Variants in SNTG2 observed in about 807,000 individuals in gnomAD.
The protein encoded by SNTG2 is syntrophin gamma 2.
Under a neutral mutation model 70.9 loss-of-function variants are expected in SNTG2, and 74 were observed. That is an observed-to-expected ratio of 1.04 (90% CI 0.86 to 1.27). The LOEUF (loss-of-function observed/expected upper bound fraction) is 1.27, where lower values mean the gene tolerates loss of function less well. Ranked by LOEUF, SNTG2 falls within the 50% of genes most tolerant of loss-of-function variation. The pLI is 0.00. For synonymous variants in SNTG2, 278 were observed against 273.8 expected, an observed-to-expected ratio of 1.02 and a Z score of -0.15; for missense variants, 717 against 690.7, an observed-to-expected ratio of 1.04 and a Z score of -0.43.
At chr2:1,127,064 T>C (rs1311448906) in intron 4 of SNTG2, among the ~76,000 whole-genome samples, 1 of 152,154 alleles carries the variant, frequency 6.6e-6, no homozygotes, top group Non-Finnish European at 1.5e-5. Flanking sequence ...TGCCTCTATT[T>C]TTATCATCTA....
chr2:1,174,317 T>G (rs1485121005), intron 8 of SNTG2, among the ~76,000 whole-genome samples: 1 of 151,720 alleles, frequency 6.6e-6, no homozygotes, highest in African/African-American at 2.4e-5. Flanking sequence ...TATGTAAAAT[T>G]TCATTTTATT....
At chr2:1,182,564 A>G (rs28676514) in intron 8 of SNTG2, among the ~76,000 whole-genome samples, 47,885 of 152,016 alleles carry the variant, frequency 0.32, 8,131 homozygotes, top group East Asian at 0.65. Context: ...TGAGTCTGCA[A>G]TCCGAGAGGA....
chr2:1,178,391 G>A (rs1180117262), intron 8 of SNTG2, among the ~76,000 whole-genome samples: 1 of 152,114 alleles, frequency 6.6e-6, no homozygotes, highest in East Asian at 1.9e-4. Context: ...AGTTTTCAAA[G>A]GGAATGCTTC....
chr2:1,138,201 G>A (rs1332599342), intron 6 of SNTG2, among the ~76,000 whole-genome samples: 1 of 152,224 alleles, frequency 6.6e-6, no homozygotes. Flanking sequence ...GGAGCCTGCA[G>A]GGCCTTCACG....
chr2:1,201,952 A>G (rs757033755), intron 8 of SNTG2, among the ~76,000 whole-genome samples: 8 of 152,014 alleles, frequency 5.3e-5, no homozygotes, highest in Non-Finnish European at 8.8e-5. Flanking sequence ...AAAACCAAGG[A>G]AGAAGAGAAG....
intron 6 of SNTG2, among the ~76,000 whole-genome samples, chr2:1,154,964 A>ACAC (rs60005756): frequency 1.3e-5 from 2 of 149,158 alleles, no homozygotes; most frequent in Non-Finnish European, 3.0e-5. Context: ...CACCACACAC[A>ACAC]AAGACATATA....
intron 1 of SNTG2, among the ~76,000 whole-genome samples, chr2:1,050,530 C>T (rs1426650623): frequency 3.3e-5 from 5 of 151,866 alleles, no homozygotes; most frequent in African/African-American, 1.2e-4. Flanking sequence ...GGCTATTTTC[C>T]TTGAGCAAAT....
At chr2:1,024,993 A>G (rs1458352201) in intron 1 of SNTG2, among the ~76,000 whole-genome samples, 3 of 152,360 alleles carry the variant, frequency 2.0e-5, no homozygotes, top group Admixed American at 1.3e-4. Context: ...GATCTGCTAC[A>G]TACACTCTAC....
At chr2:1,311,056 G>T (rs56274588) in intron 15 of SNTG2, among the ~76,000 whole-genome samples, 1 of 152,038 alleles carries the variant, frequency 6.6e-6, no homozygotes, top group Non-Finnish European at 1.5e-5. Flanking sequence ...TAAGCATGCC[G>T]GCGGTCCGGG....
At chr2:1,037,901 C>T (rs547910766) in intron 1 of SNTG2, among the ~76,000 whole-genome samples, 72 of 152,184 alleles carry the variant, frequency 4.7e-4, no homozygotes, top group African/African-American at 1.7e-3. Context: ...AGGCTGTGGA[C>T]GGTGGTGTTC....
intron 16 of SNTG2, among the ~76,000 whole-genome samples, chr2:1,363,980 T>A (rs1661336595): frequency 1.4e-5 from 1 of 71,234 alleles, no homozygotes; most frequent in East Asian, 1.6e-3. Flanking sequence ...TTTATTTTCT[T>A]TTTTTTTGAG....
intron 4 of SNTG2, among the ~76,000 whole-genome samples, chr2:1,132,244 T>TAC (rs147286173): frequency 0.43 from 64,821 of 150,938 alleles, 16,160 homozygotes; most frequent in Non-Finnish European, 0.57. Flanking sequence ...TGTGTATATA[T>TAC]ATACACACAC....
chr2:1,200,367 T>C (rs1673199882), intron 8 of SNTG2, among the ~76,000 whole-genome samples: 1 of 151,872 alleles, frequency 6.6e-6, no homozygotes, highest in Non-Finnish European at 1.5e-5. Flanking sequence ...AAAAATCAAC[T>C]CAAAGTGGAT....
chr2:1,206,306 G>T (rs1673630445), intron 8 of SNTG2, among the ~76,000 whole-genome samples: 1 of 152,160 alleles, frequency 6.6e-6, no homozygotes, highest in Admixed American at 6.5e-5. Context: ...AGGACCAGAA[G>T]GCCTTTCCGG....
At chr2:1,144,534 A>C (rs1481178954) in intron 6 of SNTG2, among the ~76,000 whole-genome samples, 2 of 152,222 alleles carry the variant, frequency 1.3e-5, no homozygotes, top group Admixed American at 1.3e-4. Flanking sequence ...TGATGAAGAC[A>C]TACCTGAGAC....
intron 9 of SNTG2, among the ~76,000 whole-genome samples, chr2:1,214,788 G>A (rs1674272719): frequency 6.6e-6 from 1 of 152,118 alleles, no homozygotes; most frequent in African/African-American, 2.4e-5. Context: ...GATGTGGTGA[G>A]AGTGCACATA....
chr2:1,199,634 C>T (rs1337796540), intron 8 of SNTG2, among the ~76,000 whole-genome samples: 2 of 151,898 alleles, frequency 1.3e-5, no homozygotes, highest in African/African-American at 4.8e-5. Flanking sequence ...GAAGACTTCA[C>T]CAAAAAACTC....
At chr2:1,358,154 C>G (rs970516249) in intron 16 of SNTG2, among the ~76,000 whole-genome samples, 2 of 152,194 alleles carry the variant, frequency 1.3e-5, no homozygotes, top group African/African-American at 2.4e-5. Flanking sequence ...GGAACCAATC[C>G]TCATGCCCTC....
intron 8 of SNTG2, among the ~76,000 whole-genome samples, chr2:1,205,224 A>T (rs1215363973): frequency 6.6e-6 from 1 of 152,194 alleles, no homozygotes; most frequent in Non-Finnish European, 1.5e-5. Flanking sequence ...AGTTTATATT[A>T]AACTGGGAAC....
Sources: gnomAD v4.1 joint callset for allele counts (sites outside exome capture counted in the v4.1 genomes callset) on GRCh38, gnomAD v4.1.1 for gene constraint, MANE v1.5 for transcripts, NCBI Gene and HGNC (gene_info 2026-07-23, HGNC 2026-07-21) for gene names.